Variants in PTK2 observed in about 807,000 individuals in gnomAD.
The protein encoded by PTK2 is protein tyrosine kinase 2.
Under a neutral mutation model 150.1 loss-of-function variants are expected in PTK2, and 45 were observed. That is an observed-to-expected ratio of 0.30 (90% CI 0.24 to 0.38). PTK2 has a LOEUF of 0.38. Among genes scored for constraint, PTK2 ranks in the 10% least tolerant of loss-of-function variants. The pLI, the probability that PTK2 is intolerant of heterozygous loss-of-function variation, is 1.00. For missense variants in PTK2, 919 were observed against 1,307.3 expected, an observed-to-expected ratio of 0.70 and a Z score of 4.58; for synonymous variants, 432 against 449.2, an observed-to-expected ratio of 0.96 and a Z score of 0.48.
At chr8:140,697,698 G>C (rs890743872) in intron 26 of PTK2, among the ~76,000 whole-genome samples, 1 of 151,988 alleles carries the variant, frequency 6.6e-6, no homozygotes, top group Non-Finnish European at 1.5e-5. Flanking sequence ...GAGCCACTGT[G>C]CCCAGCCAGA....
At chr8:140,669,670 G>A in intron 29 of PTK2, 57 bp downstream of exon 33, 1 of 1,514,402 alleles carries the variant, frequency 6.6e-7, no homozygotes, top group Non-Finnish European at 8.9e-7. Context: ...GTTACATGCA[G>A]AGAGCCGGGT....
intron 7 of PTK2, among the ~76,000 whole-genome samples, chr8:140,835,330 G>A (rs2100118075): frequency 1.3e-5 from 2 of 152,166 alleles, no homozygotes; most frequent in Non-Finnish European, 2.9e-5. Context: ...TGTTGACCCT[G>A]TTTAATATTT....
chr8:140,930,246 T>C (rs937818343), intron 1 of PTK2, among the ~76,000 whole-genome samples: 1 of 152,176 alleles, frequency 6.6e-6, no homozygotes, highest in Admixed American at 6.5e-5. Flanking sequence ...TCTGAAAATT[T>C]TTCACTGACA....
At chr8:140,959,595 G>A (rs1398479305) in intron 1 of PTK2, among the ~76,000 whole-genome samples, 2 of 150,874 alleles carry the variant, frequency 1.3e-5, no homozygotes, top group African/African-American at 4.9e-5. Context: ...CAGAAATGGT[G>A]GACTTTTATA....
At position 140,770,007 on chromosome 8, in the gene PTK2, G is replaced by T. The variant is rs953155248; in HGVS notation, c.1178-5717C>A. Among the ~76,000 whole-genome samples, 4 of 152,162 alleles carry T rather than the reference G, an allele frequency of 2.6e-5. No individual in the cohort carries two copies. In the East Asian group the frequency reaches 5.8e-4, roughly 22 times the overall value. On this transcript the variant is annotated intron_variant, in intron 14 of 31. Coordinates refer to ENST00000522684, the Ensembl canonical transcript of PTK2. ...AAACAAACTAGTCATTAATCTGTAT[G>T]TTTAGTTACAAGAAGAGAATAAGCC...
intron 1 of PTK2, among the ~76,000 whole-genome samples, chr8:140,956,082 CAGAT>C (rs1774815927): frequency 1.3e-5 from 2 of 152,206 alleles, no homozygotes; most frequent in South Asian, 4.1e-4. Flanking sequence ...TCTCAAACTT[CAGAT>C]AGTCAGGTCT....
chr8:140,761,461 A>G (rs1000101579), intron 15 of PTK2, among the ~76,000 whole-genome samples, 199 bp from the exon 19 acceptor site: 2 of 152,182 alleles, frequency 1.3e-5, no homozygotes, highest in African/African-American at 2.4e-5. Flanking sequence ...TATTAGAAGA[A>G]CTACTGAAAC....
At chr8:140,688,409 A>C (rs1415097461) in intron 26 of PTK2, among the ~76,000 whole-genome samples, 1 of 152,188 alleles carries the variant, frequency 6.6e-6, no homozygotes, top group Non-Finnish European at 1.5e-5. Context: ...TAGATGAAAA[A>C]TGACCTAAAT....
intron 17 of PTK2, among the ~76,000 whole-genome samples, chr8:140,747,834 C>A (rs929512598): frequency 2.6e-5 from 4 of 151,844 alleles, no homozygotes; most frequent in African/African-American, 9.7e-5. Flanking sequence ...CGACGACAAC[C>A]ATTTCTTTTT....
At chr8:140,797,641 A>G (rs1289119661) in intron 12 of PTK2, among the ~76,000 whole-genome samples, 1 of 152,132 alleles carries the variant, frequency 6.6e-6, no homozygotes, top group Non-Finnish European at 1.5e-5. Context: ...AAATGTTACT[A>G]CAGAATTTTA....
At chr8:140,942,762 T>C (rs1442800860) in intron 1 of PTK2, among the ~76,000 whole-genome samples, 1 of 152,164 alleles carries the variant, frequency 6.6e-6, no homozygotes, top group Non-Finnish European at 1.5e-5. Context: ...AAACATCAGG[T>C]GGATGGTGAT....
chr8:140,958,630 C>A (rs4961305), intron 1 of PTK2, among the ~76,000 whole-genome samples: 151,959 of 152,386 alleles, frequency 1, 75,767 homozygotes, highest in Middle Eastern at 1. Flanking sequence ...AACTAGGCCA[C>A]ACTGAGACGT....
chr8:140,660,482 G>A (rs1563746680), intron 31 of PTK2: 3 of 404,178 alleles, frequency 7.4e-6, no homozygotes, highest in Non-Finnish European at 1.5e-5. Flanking sequence ...TCAGCACTTT[G>A]GGCGGCGGAG....
At position 140,695,639 on chromosome 8, in the gene PTK2, T is replaced by C. The variant is rs544194680; in HGVS notation, c.2499+5252A>G. Among the ~76,000 whole-genome samples, 3 of 152,278 alleles carry C rather than the reference T, an allele frequency of 2.0e-5. No individual in the cohort carries two copies. The East Asian group carries it at 5.8e-4, about 29-fold the overall frequency. ...TTGGTCTTGAACTCCTGACCTCAGA[T>C]GATCCATCCGCCTCAGCCTCCCAAA... On this transcript the variant is annotated intron_variant, in intron 26 of 31. Coordinates refer to ENST00000522684, the Ensembl canonical transcript of PTK2.
chr8:140,856,307 C>T (rs929982633), intron 5 of PTK2, among the ~76,000 whole-genome samples: 1 of 152,076 alleles, frequency 6.6e-6, no homozygotes, highest in African/African-American at 2.4e-5. Context: ...ATGAAAGTCC[C>T]AGCCCATGTT....
chr8:140,921,238 G>A (rs1568934182), intron 2 of PTK2: 21 of 643,840 alleles, frequency 3.3e-5, no homozygotes, highest in Non-Finnish European at 4.3e-5. Flanking sequence ...CAGGGAAGGA[G>A]AAAGAGGGAG....
chr8:140,757,828 T>A (rs970078354), intron 16 of PTK2, among the ~76,000 whole-genome samples: 16 of 152,206 alleles, frequency 1.1e-4, no homozygotes, highest in Non-Finnish European at 1.8e-4. Flanking sequence ...AGTGGTCTCA[T>A]AAGATTATAA....
chr8:140,933,742 G>T (rs1293784793), intron 1 of PTK2, among the ~76,000 whole-genome samples: 1 of 152,130 alleles, frequency 6.6e-6, no homozygotes, highest in Non-Finnish European at 1.5e-5. Context: ...CTGAAGATAA[G>T]GAATAAAGAG....
At chr8:140,671,237 T>G (rs1325053367) in intron 29 of PTK2, among the ~76,000 whole-genome samples, 1 of 152,238 alleles carries the variant, frequency 6.6e-6, no homozygotes, top group Non-Finnish European at 1.5e-5. Context: ...TATTAGTTTT[T>G]TTTAGGCAGA....
Sources: allele counts gnomAD v4.1 joint callset (sites outside exome capture counted in the v4.1 genomes callset), GRCh38; gene constraint gnomAD v4.1.1; transcripts MANE v1.5; gene names NCBI Gene and HGNC (gene_info 2026-07-23, HGNC 2026-07-21).